Variants in CABP1 observed in about 807,000 individuals in gnomAD.
CABP1 encodes the protein calcium-binding protein 1.
A neutral mutation model predicts 34.3 loss-of-function variants in CABP1; 17 were observed. The ratio of observed to expected loss-of-function variants is 0.50; its 90% CI spans 0.34 to 0.74. The LOEUF (loss-of-function observed/expected upper bound fraction) is 0.74, where lower values mean the gene tolerates loss of function less well. CABP1 is among the 30% of genes least tolerant of loss of function. CABP1 has a pLI of 0.01. For missense variants in CABP1, 373 were observed against 511.1 expected (o/e 0.73, Z 2.61); for synonymous variants, 198 against 229.2 (o/e 0.86, Z 1.23).
Position 120,660,230 on chromosome 12 carries a change from C to G in CABP1, c.720C>G (p.Asp240Glu). The G allele has an allele frequency of 6.2e-7, 1 of 1,614,166 alleles. No individual in the cohort carries two copies. Among genetic ancestry groups the G allele is most frequent in the Non-Finnish European group, 8.5e-7 (1 of 1,180,018 alleles). The stretch of plus-strand genomic sequence containing the variant: ...AGGCCTTCAGAGAATTCGACAAGGA[C>G]AAGGATGGCTACATCAACTGCCGGG... ...LREAFREFDKDKDGYINCRDL... is the reference protein window; with the variant it reads ...LREAFREFDKEKDGYINCRDL... The change falls in exon 3 of 6, where the codon GAC (aspartate) becomes GAG (glutamate). Residue 240 changes from aspartate (D) to glutamate (E), a missense_variant. Around this residue, in one of 4 missense-constraint regions of CABP1, gnomAD observed 109 missense variants for 204.8 expected, o/e 0.53. Coordinates refer to ENST00000316803, the MANE Select transcript of CABP1 (RefSeq NM_001033677.2). The surrounding 1 kb of genome is among the most constrained non-coding windows in gnomAD (Gnocchi z 5.0).
At chr12:120,664,783 C>T (rs1880859800) in intron 5 of CABP1, among the ~76,000 whole-genome samples, 1 of 151,212 alleles carries the variant, frequency 6.6e-6, no homozygotes, top group Non-Finnish European at 1.5e-5. Flanking sequence ...GGCTGAGACA[C>T]AGAATCGCTT....
chr12:120,675,084 ACT>A, the CABP1 span, among the ~76,000 whole-genome samples: 2 of 151,174 alleles, frequency 1.3e-5, no homozygotes, highest in African/African-American at 4.9e-5. Flanking sequence ...GCAAAATCTC[ACT>A]CTGTCACTCC....
chr12:120,675,148 G>C, the CABP1 span, among the ~76,000 whole-genome samples: 2 of 151,870 alleles, frequency 1.3e-5, no homozygotes, highest in African/African-American at 4.8e-5. Flanking sequence ...TGCTTCCTGG[G>C]TTCAAGTGAT....
downstream of CABP1, among the ~76,000 whole-genome samples, chr12:120,672,024 C>T (rs965209607): frequency 6.6e-6 from 1 of 152,040 alleles, no homozygotes; most frequent in Non-Finnish European, 1.5e-5. Context: ...GCTATGATCA[C>T]GCCATTGTAT....
At chr12:120,679,461 A>G in the CABP1 span, among the ~76,000 whole-genome samples, 1 of 152,208 alleles carries the variant, frequency 6.6e-6, no homozygotes, top group South Asian at 2.1e-4. Flanking sequence ...ATAAGTAGGA[A>G]CCAATGATTA....
chr12:120,668,749 T>C (rs1881138170), downstream of CABP1, among the ~76,000 whole-genome samples: 2 of 152,214 alleles, frequency 1.3e-5, no homozygotes, highest in Non-Finnish European at 2.9e-5. Flanking sequence ...AGTGAAGTCT[T>C]AAAGCAGCCC....
intron 1 of CABP1, 147 bp from the exon 2 acceptor site, chr12:120,659,731 C>T: frequency 1.5e-6 from 1 of 659,936 alleles, no homozygotes; most frequent in East Asian, 2.7e-5. Flanking sequence ...TTCTTCTCCC[C>T]TCAAGGACCT....
intron 5 of CABP1, among the ~76,000 whole-genome samples, chr12:120,662,959 A>G (rs745402611): frequency 2.6e-5 from 4 of 152,160 alleles, no homozygotes; most frequent in African/African-American, 7.2e-5. Context: ...TGCTGGGATT[A>G]TAGGTGTGAG....
Position 120,641,342 on chromosome 12 carries a change from A to G in CABP1, c.654+3A>G. On this transcript the variant is annotated splice_donor_region_variant and intron_variant, in intron 1 of 5. Transcript: ENST00000316803. The surrounding 1 kb of genome is among the most constrained non-coding windows in gnomAD (Gnocchi z 6.7). ...TGCTCAGCTCCGCCTTTGGCCAGGT[A>G]AGGGCCGCGCCTCCCGTCAGCGCTC... The G allele has an allele frequency of 3.1e-6, 4 of 1,288,100 alleles. No individual in the cohort carries two copies. The highest frequency in any genetic ancestry group is 2.4e-5 in the South Asian group (1 of 41,674). 79.8% of individuals were successfully genotyped at this position (1,288,100 alleles called of 1,614,324 possible). A position where few individuals can be genotyped will look rare whatever the true frequency, so the allele number is the denominator to read the frequency against.
At chr12:120,655,667 T>C (rs1380333276) in intron 1 of CABP1, 1 of 1,423,608 alleles carries the variant, frequency 7.0e-7, no homozygotes, top group Non-Finnish European at 9.2e-7. Flanking sequence ...CCCTGGAGAT[T>C]GACTGAATTG....
intron 1 of CABP1, among the ~76,000 whole-genome samples, chr12:120,647,556 A>C (rs1879597461): frequency 7.3e-6 from 1 of 137,264 alleles, no homozygotes. Flanking sequence ...TCCTCAGTCC[A>C]AGCCTTTTTT....
At chr12:120,650,960 A>C (rs905600733) in intron 1 of CABP1, among the ~76,000 whole-genome samples, 36 of 152,180 alleles carry the variant, frequency 2.4e-4, no homozygotes, top group African/African-American at 8.2e-4. Flanking sequence ...ATGTAAAATG[A>C]AAAGGGTGGA....
chr12:120,670,708 G>A (rs546044011), downstream of CABP1, among the ~76,000 whole-genome samples: 15 of 152,214 alleles, frequency 9.9e-5, no homozygotes, highest in East Asian at 1.5e-3. Flanking sequence ...AGATTGCACC[G>A]CTGCACTCAG....
intron 1 of CABP1, among the ~76,000 whole-genome samples, chr12:120,648,241 A>G (rs80193456): frequency 0.013 from 1,971 of 152,190 alleles, 56 homozygotes; most frequent in African/African-American, 0.044. Flanking sequence ...CCTCACTCAC[A>G]TTCCCAGAGT....
intron 5 of CABP1, among the ~76,000 whole-genome samples, chr12:120,664,742 T>G (rs1170297893): frequency 6.6e-6 from 1 of 151,968 alleles, no homozygotes; most frequent in Admixed American, 6.6e-5. Flanking sequence ...CTGGGTGTGG[T>G]GGCGCACACC....
chr12:120,656,249 G>C, intron 1 of CABP1: 1 of 1,568,764 alleles, frequency 6.4e-7, no homozygotes, highest in Admixed American at 1.8e-5. Flanking sequence ...CCTGCGCAAG[G>C]GCTTCGCTGA....
chr12:120,642,708 G>C (rs907016551), intron 1 of CABP1, among the ~76,000 whole-genome samples: 2 of 152,186 alleles, frequency 1.3e-5, no homozygotes, highest in Non-Finnish European at 2.9e-5. Context: ...GGCACGAGTG[G>C]TCTTTGGATT....
chr12:120,660,448 T>A lies in CABP1; in HGVS notation c.829+109T>A. On this transcript the variant is annotated intron_variant, in intron 3 of 5. Transcript: ENST00000316803. The surrounding 1 kb of genome is among the most constrained non-coding windows in gnomAD (Gnocchi z 5.0). ...CTGCATCCACCTCTTACCAGCTCTG[T>A]GATCTGGGGCCAACCACTTACCCTC... is the stretch of plus-strand genomic sequence containing the variant. The A allele has an allele frequency of 3.2e-6, 4 of 1,253,228 alleles. No individual in the cohort carries two copies. Among genetic ancestry groups the A allele is most frequent in the Non-Finnish European group, 4.4e-6 (4 of 908,378 alleles). The allele number at this position is 1,253,228 out of a possible 1,614,324, so 77.6% of individuals were successfully genotyped here.
the CABP1 span, among the ~76,000 whole-genome samples, chr12:120,678,612 G>C: frequency 1.6e-4 from 24 of 152,126 alleles, no homozygotes; most frequent in Non-Finnish European, 3.1e-4. Flanking sequence ...CATTGTACAA[G>C]TGAGACAACT....
Sources: gnomAD v4.1 joint callset for allele counts (sites outside exome capture counted in the v4.1 genomes callset) on GRCh38, gnomAD v4.1.1 for gene constraint, gnomAD v4.1.1 regional missense constraint, Gnocchi (gnomAD v3.1) non-coding constraint, MANE v1.5 for transcripts, NCBI Gene and HGNC (gene_info 2026-07-23, HGNC 2026-07-21) for gene names.